RAD51: variants seen among roughly 807,000 people sequenced by gnomAD.
RAD51 encodes the protein DNA repair protein RAD51 homolog 1.
A neutral mutation model predicts 41.5 loss-of-function variants in RAD51; 14 were observed. The ratio of observed to expected loss-of-function variants is 0.34; its 90% CI spans 0.22 to 0.53. RAD51 has a LOEUF of 0.53. Among genes scored for constraint, RAD51 ranks in the 20% least tolerant of loss-of-function variants. The probability of loss-of-function intolerance (pLI) is 0.95; values close to 1 mark genes in which losing one functional copy is unlikely to be tolerated. For synonymous variants in RAD51, 136 were observed against 148.6 expected, an observed-to-expected ratio of 0.92 and a Z score of 0.62; for missense variants, 234 against 422.0, an observed-to-expected ratio of 0.55 and a Z score of 3.90.
chr15:40,698,979 CAAT>C, intron 2 of RAD51, 134 bp downstream of exon 2: 1 of 847,008 alleles, frequency 1.2e-6, no homozygotes, highest in East Asian at 2.6e-5. Context: ...GAAGTGTTGT[CAAT>C]AATCCTGTGG....
At chr15:40,694,827 T>G (rs1389531065), upstream of RAD51, 1 of 152,008 alleles carries the variant, frequency 6.6e-6, no homozygotes, top group African/African-American at 2.4e-5. Context: ...CTCGGTTAAG[T>G]CTTCCCCCAC....
intron 6 of RAD51, 151 bp from the exon 7 acceptor site, chr15:40,728,560 T>G (rs1896706749): frequency 1.3e-6 from 1 of 767,322 alleles, no homozygotes; most frequent in Non-Finnish European, 2.3e-6. Context: ...CCTGAACTTC[T>G]TAATAGAAAG....
intron 5 of RAD51, 78 bp from the exon 6 acceptor site, chr15:40,718,727 T>G (rs1252040074): frequency 7.9e-7 from 1 of 1,258,420 alleles, no homozygotes; most frequent in Non-Finnish European, 1.2e-6. Context: ...GGAGGAATTA[T>G]AAAGATGTCA....
chr15:40,728,695 C>T lies in RAD51; in HGVS notation c.531-16C>T. ...GTTCTGTGTGCAGCCTAAAAATGTT[C>T]TCTCCTCTCTCATAGGTATGGTCTC... is the stretch of plus-strand genomic sequence containing the variant. On this transcript the variant is annotated splice_polypyrimidine_tract_variant and intron_variant, in intron 6 of 9. Coordinates refer to ENST00000267868, the MANE Select transcript of RAD51 (RefSeq NM_002875.5). 1 of 1,604,912 alleles carries T rather than the reference C, an allele frequency of 6.2e-7. No homozygotes were observed. The highest frequency in any genetic ancestry group is 8.5e-7 in the Non-Finnish European group (1 of 1,172,020).
chr15:40,709,232 T>C (rs916898233), intron 5 of RAD51, 116 bp downstream of exon 5: 7 of 842,516 alleles, frequency 8.3e-6, no homozygotes, highest in East Asian at 2.6e-5. Flanking sequence ...AAGAATCTTA[T>C]AGCTGTTAAT....
intron 6 of RAD51, among the ~76,000 whole-genome samples, chr15:40,727,884 G>T: frequency 6.9e-6 from 1 of 145,222 alleles, no homozygotes; most frequent in African/African-American, 2.6e-5. Flanking sequence ...TTTTGAGATG[G>T]AATCTCACTC....
intron 6 of RAD51, among the ~76,000 whole-genome samples, chr15:40,721,394 G>A (rs1016087564): frequency 6.6e-6 from 1 of 152,254 alleles, no homozygotes; most frequent in South Asian, 2.1e-4. Context: ...TTATTATAAA[G>A]CTACAATAAC....
At chr15:40,700,938 A>AGGGGCAGGT in intron 2 of RAD51, 126 bp from the exon 3 acceptor site, 4 of 852,316 alleles carry the variant, frequency 4.7e-6, no homozygotes, top group East Asian at 8.6e-5. Flanking sequence ...CGCCCCCCCA[A>AGGGGCAGGT]GGATTTCAAG....
chr15:40,699,576 A>G (rs533176345), intron 2 of RAD51, among the ~76,000 whole-genome samples: 195 of 152,354 alleles, frequency 1.3e-3, no homozygotes, highest in African/African-American at 4.6e-3. Flanking sequence ...ATGAGCCACC[A>G]TGCCTGGCCA....
Position 40,731,100 on chromosome 15 carries a change from C to T in RAD51, c.942C>T (p.Ile314=). The stretch of plus-strand genomic sequence containing the variant: ...GAGGGGAAACCAGAATCTGCAAAAT[C>T]TACGACTCTCCCTGTCTTCCTGAAG... ...KGRGETRICK[I]YDSPCLPEAE... Residue 314 remains isoleucine, a synonymous_variant, in exon 10 of 10, where the codon ATC becomes ATT. Transcript: ENST00000267868. The T allele has an allele frequency of 6.2e-7, 1 of 1,614,108 alleles. No homozygotes were observed. The highest frequency in any genetic ancestry group is 8.5e-7 in the Non-Finnish European group (1 of 1,180,004).
chr15:40,707,968 G>A (rs948005061), intron 4 of RAD51, among the ~76,000 whole-genome samples: 2 of 149,328 alleles, frequency 1.3e-5, no homozygotes, highest in African/African-American at 4.9e-5. Context: ...CATCCACCTC[G>A]GCCTCCCAAA....
intron 6 of RAD51, among the ~76,000 whole-genome samples, chr15:40,724,674 C>CTTTTT (rs869156620): frequency 1.7e-3 from 157 of 94,334 alleles, no homozygotes; most frequent in African/African-American, 1.9e-3. Context: ...TTTTTTATTT[C>CTTTTT]TTTTTTTTTT....
intron 5 of RAD51, among the ~76,000 whole-genome samples, chr15:40,710,594 A>G (rs1370215070): frequency 3.9e-5 from 6 of 151,976 alleles, no homozygotes; most frequent in African/African-American, 9.7e-5. Flanking sequence ...TTGGCAGTCT[A>G]CTTTCTCCAT....
At chr15:40,725,387 T>G (rs1006191342) in intron 6 of RAD51, among the ~76,000 whole-genome samples, 9 of 152,224 alleles carry the variant, frequency 5.9e-5, no homozygotes, top group Middle Eastern at 3.2e-3. Flanking sequence ...TCAGGTCTCT[T>G]TATCAAGAAA....
chr15:40,728,578 C>T (rs1360514523), intron 6 of RAD51, 133 bp from the exon 7 acceptor site: 1 of 806,220 alleles, frequency 1.2e-6, no homozygotes, highest in Admixed American at 1.7e-5. Flanking sequence ...AAGGGAAATA[C>T]ATTCTTTGGT....
At chr15:40,712,412 AC>A (rs2141843668) in intron 5 of RAD51, among the ~76,000 whole-genome samples, 2 of 152,356 alleles carry the variant, frequency 1.3e-5, no homozygotes, top group African/African-American at 4.8e-5. Context: ...GAACTAAGTC[AC>A]ACAGAGAAGT....
At chr15:40,706,151 G>T in intron 3 of RAD51, 26 bp from the exon 4 acceptor site, 1 of 1,522,782 alleles carries the variant, frequency 6.6e-7, no homozygotes, top group Non-Finnish European at 9.1e-7. Context: ...TTATTTTGTT[G>T]ATTTAATATT....
intron 6 of RAD51, among the ~76,000 whole-genome samples, chr15:40,721,376 T>C (rs1336162063): frequency 6.6e-6 from 1 of 152,142 alleles, no homozygotes; most frequent in Non-Finnish European, 1.5e-5. Flanking sequence ...ACTTTTTGGT[T>C]TAAATTCTTA....
intron 6 of RAD51, among the ~76,000 whole-genome samples, chr15:40,719,509 T>G (rs541703346): frequency 6.6e-6 from 1 of 152,238 alleles, no homozygotes; most frequent in Admixed American, 6.5e-5. Context: ...ACTGCGTGGC[T>G]ATACTAATAT....
Sources: allele counts gnomAD v4.1 joint callset (sites outside exome capture counted in the v4.1 genomes callset), GRCh38; gene constraint gnomAD v4.1.1; transcripts MANE v1.5; gene names NCBI Gene and HGNC (gene_info 2026-07-23, HGNC 2026-07-21).